The following TMEM272 variants were observed in gnomAD, a reference collection of about 807,000 sequenced individuals.
TMEM272 encodes the protein long intergenic non-protein coding RNA 282.
A neutral mutation model predicts 3.7 loss-of-function variants in TMEM272; 8 were observed. The observed-to-expected ratio is 2.17, with a 90% CI of 1.27 to 3.91. The LOEUF (loss-of-function observed/expected upper bound fraction) is 3.91. TMEM272 is among the 30% of genes most tolerant of loss of function. The probability of loss-of-function intolerance (pLI) is 0.00; values close to 1 mark genes in which losing one functional copy is unlikely to be tolerated. For missense variants in TMEM272, 166 were observed against 91.5 expected, an observed-to-expected ratio of 1.81 and a Z score of -3.32; for synonymous variants, 63 against 39.8, an observed-to-expected ratio of 1.58 and a Z score of -2.20.
chr13:51,863,795 A>G, the TMEM272 span, among the ~76,000 whole-genome samples: 1 of 152,080 alleles, frequency 6.6e-6, no homozygotes, highest in Non-Finnish European at 1.5e-5. Flanking sequence ...AAATTTCCCC[A>G]ATAGGTCTCA....
At chr13:51,924,418 C>T in the TMEM272 span, among the ~76,000 whole-genome samples, 2 of 152,120 alleles carry the variant, frequency 1.3e-5, no homozygotes, top group African/African-American at 4.8e-5. Flanking sequence ...AACCTCTTTT[C>T]CTCTTTCCCC....
At position 51,815,364 on chromosome 13, in the gene TMEM272, G is replaced by A. The variant is rs1956010385; in HGVS notation, c.*1387C>T. The A allele has an allele frequency of 6.6e-6, 1 of 152,634 alleles. No homozygotes were observed. The highest frequency in any genetic ancestry group is 2.1e-4 in the South Asian group (1 of 4,826). The allele number at this position is 152,634 out of a possible 1,614,324, so 9.5% of individuals were successfully genotyped here. A position where few individuals can be genotyped will look rare whatever the true frequency, so the allele number is the denominator to read the frequency against. On this transcript the variant is annotated 3_prime_UTR_variant, in exon 5 of 5. Coordinates refer to ENST00000629372, the MANE Select transcript of TMEM272 (RefSeq NM_001351003.2). ...GGGACTAACGGTGACTGCCCGGGGA[G>A]TGCTTCTAAACTGAAATGGGAAGAC...
chr13:51,866,642 A>G, the TMEM272 span, among the ~76,000 whole-genome samples: 1 of 152,262 alleles, frequency 6.6e-6, no homozygotes, highest in East Asian at 1.9e-4. Context: ...CGACCCACTC[A>G]CTGGTAGTTC....
At chr13:51,821,719 C>T (rs1045586932) in intron 4 of TMEM272, among the ~76,000 whole-genome samples, 4 of 134,804 alleles carry the variant, frequency 3.0e-5, no homozygotes, top group Non-Finnish European at 4.6e-5. Flanking sequence ...GCAGCAGCAG[C>T]GCAGAGAAAG....
chr13:51,917,440 C>T, the TMEM272 span, among the ~76,000 whole-genome samples: 2 of 152,130 alleles, frequency 1.3e-5, no homozygotes, highest in East Asian at 3.9e-4. Context: ...CAAAGATGGA[C>T]AGGCACCCCT....
At chr13:51,845,533 T>C (rs1246800513), upstream of TMEM272, among the ~76,000 whole-genome samples, 1 of 151,910 alleles carries the variant, frequency 6.6e-6, no homozygotes, top group Non-Finnish European at 1.5e-5. Flanking sequence ...AGAGGTGCCC[T>C]ATGGACTTCA....
At chr13:51,889,214 TGCTTTTCTAAAAG>T in the TMEM272 span, among the ~76,000 whole-genome samples, 3 of 152,342 alleles carry the variant, frequency 2.0e-5, no homozygotes, top group Admixed American at 6.5e-5. Context: ...ATTGCCAAAT[TGCTTTTCTAAAAG>T]GCTTTTCTAA....
the TMEM272 span, among the ~76,000 whole-genome samples, chr13:51,931,277 A>T: frequency 6.7e-6 from 1 of 148,624 alleles, no homozygotes; most frequent in East Asian, 2.0e-4. Flanking sequence ...CTATGTAGCC[A>T]TAAAAAAGGA....
chr13:51,872,211 GAGATAAGAA>G, the TMEM272 span, among the ~76,000 whole-genome samples: 8 of 152,254 alleles, frequency 5.3e-5, no homozygotes, highest in Middle Eastern at 3.4e-3. Flanking sequence ...TATCCATAGA[GAGATAAGAA>G]AGATATTGCA....
In TMEM272 at chr13:51,822,113, G is replaced by C; in HGVS notation, c.143C>G (p.Pro48Arg). 1.4e-6 allele frequency: 1 copy of C among 699,822 alleles called. No individual in the cohort carries two copies. The highest frequency in any genetic ancestry group is 2.6e-6 in the Non-Finnish European group (1 of 384,274). 43.4% of individuals were successfully genotyped at this position (699,822 alleles called of 1,614,324 possible). Residue 48 changes from proline to arginine, a missense_variant, in exon 4 of 5, where the codon CCT becomes CGT. Pro to Arg is a moderately radical substitution (Grantham distance 103, BLOSUM62 -2). Coordinates refer to ENST00000629372, the MANE Select transcript of TMEM272 (RefSeq NM_001351003.2). ...ATATAAAGGAATGAGGGGCTGTATA[G>C]GGCAGTCCTCCAAAAATTTCATTCC... ...FIGMKFLEDC[P>R]IQPLIPLYLL...
At chr13:51,910,182 CAG>C in the TMEM272 span, 1 of 1,097,670 alleles carries the variant, frequency 9.1e-7, no homozygotes, top group Non-Finnish European at 1.4e-6. Context: ...CTTTTCTAGA[CAG>C]AGTATTTCAT....
chr13:51,879,605 T>C, the TMEM272 span, among the ~76,000 whole-genome samples: 1 of 152,180 alleles, frequency 6.6e-6, no homozygotes, highest in Non-Finnish European at 1.5e-5. Context: ...GTGGTCGCTA[T>C]ATAAAGGCAA....
intron 3 of TMEM272, among the ~76,000 whole-genome samples, chr13:51,825,771 T>C (rs142227063): frequency 6.6e-5 from 10 of 152,050 alleles, no homozygotes; most frequent in African/African-American, 2.4e-4. Context: ...AATTTTTAAG[T>C]CAAGACTTGC....
intron 2 of TMEM272, among the ~76,000 whole-genome samples, chr13:51,836,098 C>T (rs1055754015): frequency 1.2e-4 from 18 of 152,166 alleles, no homozygotes; most frequent in South Asian, 8.3e-4. Flanking sequence ...CCAATGCAAA[C>T]GTGTTGGGAA....
At chr13:51,823,567 C>T (rs1956098753) in intron 3 of TMEM272, among the ~76,000 whole-genome samples, 1 of 152,234 alleles carries the variant, frequency 6.6e-6, no homozygotes, top group Non-Finnish European at 1.5e-5. Flanking sequence ...AAGAAATAAA[C>T]TCTTACAGTG....
the TMEM272 span, among the ~76,000 whole-genome samples, chr13:51,922,118 G>C: frequency 1.3e-5 from 2 of 152,306 alleles, no homozygotes; most frequent in Admixed American, 1.3e-4. Flanking sequence ...TGGAGATGGC[G>C]TATCAGTTCA....
intron 2 of TMEM272, among the ~76,000 whole-genome samples, chr13:51,837,297 G>C (rs1308284785): frequency 6.6e-6 from 1 of 152,188 alleles, no homozygotes; most frequent in African/African-American, 2.4e-5. Flanking sequence ...GGGGGAGGTG[G>C]TGGTAACTAA....
At chr13:51,897,177 C>T in the TMEM272 span, among the ~76,000 whole-genome samples, 1 of 152,228 alleles carries the variant, frequency 6.6e-6, no homozygotes, top group Non-Finnish European at 1.5e-5. Flanking sequence ...GCTGAAAGGA[C>T]TGCAGGTAAA....
chr13:51,862,704 G>A, the TMEM272 span, among the ~76,000 whole-genome samples: 1 of 152,148 alleles, frequency 6.6e-6, no homozygotes, highest in South Asian at 2.1e-4. Flanking sequence ...TGAAGGATTC[G>A]CTAGGTGAAC....
Sources: gnomAD v4.1 joint callset for allele counts (sites outside exome capture counted in the v4.1 genomes callset) on GRCh38, gnomAD v4.1.1 for gene constraint, MANE v1.5 for transcripts, NCBI Gene and HGNC (gene_info 2026-07-23, HGNC 2026-07-21) for gene names.